Variants in UBP1 observed in about 807,000 individuals in gnomAD.
UBP1 encodes upstream binding protein 1.
A neutral mutation model predicts 76.1 loss-of-function variants in UBP1; 22 were observed. That is an observed-to-expected ratio of 0.29 (90% CI 0.21 to 0.41). The LOEUF (loss-of-function observed/expected upper bound fraction) is 0.41. Among genes scored for constraint, UBP1 ranks in the 10% least tolerant of loss-of-function variants. UBP1 has a pLI of 1.00. For missense variants in UBP1, 436 were observed against 668.1 expected, an observed-to-expected ratio of 0.65 and a Z score of 3.83; for synonymous variants, 224 against 237.1, an observed-to-expected ratio of 0.94 and a Z score of 0.51.
At chr3:33,412,205 AAGAT>A (rs1300346971) in intron 4 of UBP1, among the ~76,000 whole-genome samples, 2 of 151,502 alleles carry the variant, frequency 1.3e-5, no homozygotes, top group Non-Finnish European at 2.9e-5. Flanking sequence ...AAAAAAAAAA[AAGAT>A]AGATGGTTTA....
At chr3:33,402,749 A>C in intron 9 of UBP1, 52 bp downstream of exon 9, 1 of 1,297,508 alleles carries the variant, frequency 7.7e-7, no homozygotes. Context: ...GGGGAAATGA[A>C]GGCACATGAG....
Position 33,402,918 on chromosome 3 carries a change from C to T in UBP1, c.928-14G>A, listed in dbSNP as rs2044284389. On this transcript the variant is annotated splice_polypyrimidine_tract_variant and intron_variant, in intron 8 of 15. Transcript: ENST00000283629. ...CCACGGAGAACACTAAGGACAGAAA[C>T]AGAAATAAATTAGTGATATGCTTTT... 2.5e-6 allele frequency: 4 copies of T among 1,586,624 alleles called. No individual in the cohort carries two copies. The highest frequency in any genetic ancestry group is 1.7e-4 in the Middle Eastern group (1 of 6,010).
At chr3:33,433,006 G>C (rs2045138759) in intron 1 of UBP1, among the ~76,000 whole-genome samples, 1 of 151,806 alleles carries the variant, frequency 6.6e-6, no homozygotes. Context: ...GTAATAACTA[G>C]TTTTGTCATA....
intron 2 of UBP1, among the ~76,000 whole-genome samples, chr3:33,421,043 G>A (rs72853003): frequency 6.6e-6 from 1 of 152,184 alleles, no homozygotes; most frequent in African/African-American, 2.4e-5. Context: ...GTCAGCAAGG[G>A]GGTAAGATCA....
At chr3:33,411,188 T>C (rs2044572580) in intron 5 of UBP1, among the ~76,000 whole-genome samples, 1 of 152,204 alleles carries the variant, frequency 6.6e-6, no homozygotes, top group Non-Finnish European at 1.5e-5. Flanking sequence ...TTATCCTATT[T>C]GTAGAGGTTT....
chr3:33,407,503 A>G (rs911642531), intron 8 of UBP1, among the ~76,000 whole-genome samples: 3 of 152,018 alleles, frequency 2.0e-5, no homozygotes, highest in South Asian at 4.1e-4. Context: ...GTGTTTTAGG[A>G]AAGAATATAC....
intron 5 of UBP1, among the ~76,000 whole-genome samples, chr3:33,410,889 T>C (rs1264049703): frequency 2.0e-5 from 3 of 151,908 alleles, no homozygotes; most frequent in African/African-American, 4.8e-5. Flanking sequence ...CTGGCCAATA[T>C]GGTGAAACCC....
intron 2 of UBP1, among the ~76,000 whole-genome samples, chr3:33,420,041 T>C (rs1475541249): frequency 2.0e-5 from 3 of 152,204 alleles, no homozygotes; most frequent in East Asian, 1.9e-4. Context: ...CCACCCACCT[T>C]TGAAGACACA....
intron 1 of UBP1, among the ~76,000 whole-genome samples, chr3:33,436,870 T>A (rs2045212041): frequency 6.6e-6 from 1 of 152,196 alleles, no homozygotes; most frequent in African/African-American, 2.4e-5. Flanking sequence ...CACTTTAACA[T>A]CTATGACCCT....
At chr3:33,439,489 A>G (rs1336501968) in intron 1 of UBP1, among the ~76,000 whole-genome samples, 1 of 152,194 alleles carries the variant, frequency 6.6e-6, no homozygotes, top group Admixed American at 6.5e-5. Flanking sequence ...TTTACAGCAA[A>G]TATGAAGCAC....
intron 1 of UBP1, 147 bp downstream of exon 1, chr3:33,439,589 C>T (rs2154060486): frequency 4.8e-6 from 4 of 837,516 alleles, no homozygotes; most frequent in Non-Finnish European, 7.2e-6. Flanking sequence ...GGTTCCATGG[C>T]CCCCGACCGC....
chr3:33,403,692 G>A (rs954693889), intron 8 of UBP1: 1 of 152,136 alleles, frequency 6.6e-6, no homozygotes, highest in African/African-American at 2.4e-5. Context: ...ACCAGAAACA[G>A]AACAAAGACA....
intron 1 of UBP1, among the ~76,000 whole-genome samples, chr3:33,437,378 C>A (rs113887848): frequency 0.014 from 2,119 of 152,298 alleles, 21 homozygotes; most frequent in South Asian, 0.026. Context: ...CAATCTCCCA[C>A]GTAGCTAGGT....
intron 1 of UBP1, among the ~76,000 whole-genome samples, chr3:33,436,930 G>A (rs1435550063): frequency 6.6e-6 from 1 of 152,080 alleles, no homozygotes; most frequent in Non-Finnish European, 1.5e-5. Flanking sequence ...GACTCTAAAA[G>A]GTTTCTAAGG....
At chr3:33,438,264 G>A (rs986047696) in intron 1 of UBP1, among the ~76,000 whole-genome samples, 1 of 152,208 alleles carries the variant, frequency 6.6e-6, no homozygotes, top group Non-Finnish European at 1.5e-5. Flanking sequence ...CTATCAATAA[G>A]TAAACTTTTC....
Position 33,417,588 on chromosome 3 carries a change from T to C in UBP1, c.266-754A>G, listed in dbSNP as rs186714500. ...TGGATATTTGGGTTGTTTCCACTTT[T>C]AGTGTTTATTAGAAAACACAGATAT... On this transcript the variant is annotated intron_variant, in intron 2 of 15. Coordinates refer to ENST00000283629, the MANE Select transcript of UBP1 (RefSeq NM_014517.5). Among the ~76,000 whole-genome samples the C allele has an allele frequency of 4.6e-3, 694 of 152,372 alleles. 4 individuals carry two copies. The highest frequency in any genetic ancestry group is 0.016 in the African/African-American group (649 of 41,592).
chr3:33,402,173 G>A (rs1007884558), intron 9 of UBP1, among the ~76,000 whole-genome samples: 1 of 152,164 alleles, frequency 6.6e-6, no homozygotes, highest in African/African-American at 2.4e-5. Flanking sequence ...CTGCAGCAAA[G>A]CCCTAGAATG....
intron 11 of UBP1, chr3:33,398,251 ATCTT>A (rs1209987877): frequency 8.5e-5 from 13 of 152,252 alleles, no homozygotes; most frequent in Non-Finnish European, 2.9e-5. Context: ...TAATGGAGTC[ATCTT>A]TCTATTTTTT....
At chr3:33,403,152 T>A (rs1575463563) in intron 8 of UBP1, 1 of 400,508 alleles carries the variant, frequency 2.5e-6, no homozygotes, top group East Asian at 6.2e-5. Context: ...CAAAAATTTA[T>A]AAAGGCATTT....
Sources: allele counts gnomAD v4.1 joint callset (sites outside exome capture counted in the v4.1 genomes callset), GRCh38; gene constraint gnomAD v4.1.1; transcripts MANE v1.5; gene names NCBI Gene and HGNC (gene_info 2026-07-23, HGNC 2026-07-21).